Variants in STK33 observed in about 807,000 individuals in gnomAD.
STK33 encodes serine/threonine kinase 33.
A neutral mutation model predicts 58.0 loss-of-function variants in STK33; 52 were observed. The ratio of observed to expected loss-of-function variants is 0.90; its 90% CI spans 0.72 to 1.13. The LOEUF (loss-of-function observed/expected upper bound fraction) is 1.13. STK33 is among the 50% of genes most tolerant of loss of function. The pLI is 0.00. For missense variants in STK33, 630 were observed against 604.2 expected, an observed-to-expected ratio of 1.04 and a Z score of -0.45; for synonymous variants, 215 against 200.1, an observed-to-expected ratio of 1.07 and a Z score of -0.63.
In STK33 at chr11:8,464,747, C is replaced by T. The variant is rs377716389; in HGVS notation, c.415G>A (p.Glu139Lys). ...IVIEATDKET[E>K]TKWAIKKVNK... The stretch of plus-strand genomic sequence containing the variant: ...ACTTTTTTAATTGCCCACTTCGTTT[C>T]TGTTTCCTTGTCTGTCGCTTCAATG... The change falls in exon 7 of 16, where the codon GAA becomes AAA. Residue 139 changes from glutamate (E) to lysine (K), a missense_variant. Coordinates refer to ENST00000687296, the MANE Select transcript of STK33 (RefSeq NM_001352389.2). The T allele has an allele frequency of 3.1e-4, 502 of 1,613,180 alleles. No individual in the cohort carries two copies. The highest frequency in any genetic ancestry group is 4.1e-4 in the Non-Finnish European group (485 of 1,179,678).
At chr11:8,516,693 CCTGGCTT>C (rs1952819530) in intron 1 of STK33, among the ~76,000 whole-genome samples, 1 of 152,224 alleles carries the variant, frequency 6.6e-6, no homozygotes, top group Non-Finnish European at 1.5e-5. Context: ...ATATCCCGTG[CCTGGCTT>C]GGCGGGTCTC....
intron 1 of STK33, among the ~76,000 whole-genome samples, chr11:8,528,373 T>G (rs11824517): frequency 0.016 from 2,426 of 152,334 alleles, 64 homozygotes; most frequent in African/African-American, 0.055. Context: ...AAACAACTTA[T>G]GTTATTTTAA....
chr11:8,474,660 T>C, intron 5 of STK33, 21 bp downstream of exon 5: 8 of 1,567,538 alleles, frequency 5.1e-6, no homozygotes, highest in Non-Finnish European at 7.0e-6. Context: ...TGTGCTTAGA[T>C]GTGGAATCTT....
At chr11:8,546,749 G>A (rs1028975600) in intron 1 of STK33, among the ~76,000 whole-genome samples, 2 of 152,084 alleles carry the variant, frequency 1.3e-5, no homozygotes, top group Admixed American at 1.3e-4. Flanking sequence ...CCAAGTTGCT[G>A]CAAATGACAG....
chr11:8,434,745 T>C (rs1006301395), intron 14 of STK33, among the ~76,000 whole-genome samples: 1 of 152,180 alleles, frequency 6.6e-6, no homozygotes, highest in Non-Finnish European at 1.5e-5. Flanking sequence ...AGAAATGCCA[T>C]ATCAGATCCA....
At chr11:8,363,556 C>T in the STK33 span, among the ~76,000 whole-genome samples, 2 of 152,168 alleles carry the variant, frequency 1.3e-5, no homozygotes. Context: ...AAAGTTTGTA[C>T]TTGTGTTTTG....
intron 8 of STK33, among the ~76,000 whole-genome samples, chr11:8,458,381 G>A (rs1414042935): frequency 6.7e-6 from 1 of 149,798 alleles, no homozygotes; most frequent in African/African-American, 2.5e-5. Context: ...TTACATTTTT[G>A]CAACCATTTG....
At chr11:8,570,755 G>T (rs1178643292) in intron 1 of STK33, among the ~76,000 whole-genome samples, 2 of 152,144 alleles carry the variant, frequency 1.3e-5, no homozygotes, top group African/African-American at 2.4e-5. Flanking sequence ...GGGAATTTTG[G>T]GGGGGTGATG....
intron 8 of STK33, among the ~76,000 whole-genome samples, chr11:8,457,974 G>C (rs747010585): frequency 6.6e-6 from 1 of 152,168 alleles, no homozygotes; most frequent in South Asian, 2.1e-4. Context: ...GGTGAGGAGT[G>C]AGGCTAGAAA....
the STK33 span, among the ~76,000 whole-genome samples, chr11:8,345,787 G>A: frequency 6.6e-6 from 1 of 152,340 alleles, no homozygotes; most frequent in East Asian, 1.9e-4. Context: ...AGGGGTGAGG[G>A]TGGAGGCAGA....
chr11:8,493,929 G>A (rs529907031), intron 1 of STK33, among the ~76,000 whole-genome samples: 22 of 152,180 alleles, frequency 1.4e-4, no homozygotes, highest in South Asian at 8.3e-4. Flanking sequence ...AAAAAACTAC[G>A]CACTGATGGA....
intron 1 of STK33, among the ~76,000 whole-genome samples, chr11:8,565,492 T>C (rs1005409155): frequency 6.6e-5 from 10 of 151,554 alleles, no homozygotes; most frequent in African/African-American, 2.2e-4. Flanking sequence ...CGAGTTCAAA[T>C]ATCAGTTCTG....
At chr11:8,454,130 G>A (rs1255805475) in intron 10 of STK33, among the ~76,000 whole-genome samples, 1 of 152,138 alleles carries the variant, frequency 6.6e-6, no homozygotes, top group Admixed American at 6.5e-5. Context: ...CTATTACATA[G>A]GACTTAGCTT....
At chr11:8,479,285 T>A (rs897516172) in intron 2 of STK33, among the ~76,000 whole-genome samples, 8 of 151,880 alleles carry the variant, frequency 5.3e-5, no homozygotes, top group Admixed American at 5.3e-4. Context: ...ATACAAAAAT[T>A]AGCTGGGTGT....
intron 14 of STK33, among the ~76,000 whole-genome samples, chr11:8,433,191 A>G (rs1943619012): frequency 6.6e-6 from 1 of 152,252 alleles, no homozygotes; most frequent in Non-Finnish European, 1.5e-5. Context: ...TGAGAGAGCA[A>G]CACATTCATG....
At chr11:8,508,436 G>A (rs1204592972) in intron 1 of STK33, among the ~76,000 whole-genome samples, 3 of 151,450 alleles carry the variant, frequency 2.0e-5, no homozygotes, top group African/African-American at 4.9e-5. Context: ...CACAGCCAGC[G>A]AATTTTTTAA....
At chr11:8,479,348 G>A (rs1455566051) in intron 2 of STK33, among the ~76,000 whole-genome samples, 4 of 151,038 alleles carry the variant, frequency 2.6e-5, no homozygotes, top group African/African-American at 9.8e-5. Flanking sequence ...CAGGAGAATC[G>A]CTTGAACCCA....
the STK33 span, among the ~76,000 whole-genome samples, chr11:8,380,518 C>T: frequency 6.6e-6 from 1 of 150,968 alleles, no homozygotes; most frequent in East Asian, 1.9e-4. Flanking sequence ...CGAGATCATG[C>T]CATTGCACTC....
At chr11:8,420,296 A>C (rs894208924) in intron 14 of STK33, among the ~76,000 whole-genome samples, 6 of 152,182 alleles carry the variant, frequency 3.9e-5, no homozygotes, top group Non-Finnish European at 8.8e-5. Context: ...TCAACTGTGT[A>C]CCACTTTCAT....
Sources: gnomAD v4.1 joint callset for allele counts (sites outside exome capture counted in the v4.1 genomes callset) on GRCh38, gnomAD v4.1.1 for gene constraint, MANE v1.5 for transcripts, NCBI Gene and HGNC (gene_info 2026-07-23, HGNC 2026-07-21) for gene names.